Variants in GPR146 observed in about 807,000 individuals in gnomAD.
The protein encoded by GPR146 is G protein-coupled receptor 146.
For synonymous variants in GPR146, 203 were observed against 104.3 expected (o/e 1.95, Z -5.77); for missense variants, 381 against 213.9 (o/e 1.78, Z -4.87).
intron 1 of GPR146, among the ~76,000 whole-genome samples, chr7:1,051,949 G>A (rs1583569751): frequency 6.6e-6 from 1 of 152,350 alleles, no homozygotes; most frequent in East Asian, 1.9e-4. Flanking sequence ...CTGCCCTCCA[G>A]CCTGGGTGAC....
rs906068983 is a variant in GPR146, at chr7:1,057,415, C to T, written c.-24-77C>T. 4.8e-6 allele frequency: 3 copies of T among 626,668 alleles called. No homozygotes were observed. In the African/African-American group the frequency reaches 5.4e-5, roughly 11 times the overall value. 38.8% of individuals were successfully genotyped at this position (626,668 alleles called of 1,614,324 possible). ...GCGATTACTGCACCAGGAGAAGGCA[C>T]CCCTGTACCTGCAGCACTTCTGGGC... is the stretch of plus-strand genomic sequence containing the variant. On this transcript the variant is annotated intron_variant, in intron 1 of 1. Transcript: ENST00000444847.
intron 1 of GPR146, among the ~76,000 whole-genome samples, chr7:1,045,052 G>C (rs1013397904): frequency 6.6e-6 from 1 of 152,380 alleles, no homozygotes; most frequent in South Asian, 2.1e-4. Flanking sequence ...TTTTGGATCT[G>C]TGTCTACATG....
intron 1 of GPR146, among the ~76,000 whole-genome samples, chr7:1,048,803 T>C (rs1404339153): frequency 6.6e-6 from 1 of 152,100 alleles, no homozygotes; most frequent in African/African-American, 2.4e-5. Flanking sequence ...GCTCCAGACA[T>C]TTTCACGAGT....
intron 1 of GPR146, chr7:1,045,318 C>G (rs548092497): frequency 6.6e-6 from 1 of 152,274 alleles, no homozygotes; most frequent in Non-Finnish European, 1.5e-5. Flanking sequence ...GAGGATAATT[C>G]TGTATTCGTC....
rs771950876 is a variant in GPR146 at position 1,057,917 on chromosome 7, G to A, written c.402G>A (p.Pro134=). ...SLDHYIERAL[P]RTYMASVYNT... is the part of the protein sequence containing the mutation. ...ACCACTACATCGAGCGTGCACTGCC[G>A]CGGACCTACATGGCCAGCGTGTACA... Residue 134 remains proline (P), a synonymous_variant, in exon 2 of 2, where the codon CCG becomes CCA. Coordinates refer to ENST00000444847, the MANE Select transcript of GPR146 (RefSeq NM_001303473.2). 10 of 775,228 alleles carry A rather than the reference G, an allele frequency of 1.3e-5. No individual in the cohort carries two copies. Among genetic ancestry groups the A allele is most frequent in the Admixed American group, 1.7e-5 (1 of 59,044 alleles). The allele number at this position is 775,228 out of a possible 1,614,324, so 48.0% of individuals were successfully genotyped here. A position where few individuals can be genotyped will look rare whatever the true frequency, so the allele number is the denominator to read the frequency against.
chr7:1,055,589 G>A lies in GPR146; in HGVS notation c.-24-1903G>A, dbSNP rs1783652478. On this transcript the variant is annotated intron_variant, in intron 1 of 1. Coordinates refer to ENST00000444847, the MANE Select transcript of GPR146 (RefSeq NM_001303473.2). Reference sequence around the variant, plus strand: ...GACTCTGTGCAGCACAGGTGGGAGAGAGGACGCAGGGGGTTCTGTACAGTG... The same window carrying A: ...GACTCTGTGCAGCACAGGTGGGAGAAAGGACGCAGGGGGTTCTGTACAGTG... 7.9e-6 allele frequency: 3 copies of A among 377,396 alleles called. No individual in the cohort carries two copies. The East Asian group carries it at 2.2e-4, about 28-fold the overall frequency. The allele number at this position is 377,396 out of a possible 1,614,324, so 23.4% of individuals were successfully genotyped here. A position where few individuals can be genotyped will look rare whatever the true frequency, so the allele number is the denominator to read the frequency against.
intron 1 of GPR146, among the ~76,000 whole-genome samples, chr7:1,050,658 G>C (rs1348955843): frequency 6.6e-6 from 1 of 152,220 alleles, no homozygotes. Flanking sequence ...CCGCAGCCTA[G>C]GAAGCATCTT....
intron 1 of GPR146, among the ~76,000 whole-genome samples, chr7:1,051,272 T>G (rs573341653): frequency 3.9e-5 from 6 of 152,332 alleles, no homozygotes; most frequent in African/African-American, 1.4e-4. Flanking sequence ...TGTGGAAATG[T>G]CACTTCTGTC....
At chr7:1,055,101 C>A (rs878856709) in intron 1 of GPR146, among the ~76,000 whole-genome samples, 3 of 152,208 alleles carry the variant, frequency 2.0e-5, no homozygotes, top group Non-Finnish European at 4.4e-5. Context: ...GCAGAGGCCA[C>A]GGCCTCCATG....
chr7:1,047,254 GCCCGT>G (rs1007484605), intron 1 of GPR146, among the ~76,000 whole-genome samples: 1 of 152,188 alleles, frequency 6.6e-6, no homozygotes, highest in African/African-American at 2.4e-5. Flanking sequence ...GGCCCCCAGA[GCCCGT>G]CCTGGAGCCG....
At chr7:1,047,655 G>C (rs1240368797) in intron 1 of GPR146, among the ~76,000 whole-genome samples, 3 of 152,278 alleles carry the variant, frequency 2.0e-5, no homozygotes, top group Admixed American at 6.5e-5. Flanking sequence ...AGCGTCTCAT[G>C]GTGCATGGCA....
rs565930339 is a variant in GPR146, at chr7:1,057,701, G to C, written c.186G>C (p.Pro62=). ...NLHSKASMTM[P]DVYFVNMAVA... ...ACAGCAAGGCCAGCATGACCATGCCGGACGTGTACTTTGTCAACATGGCAG... is the reference window on the plus strand; with the variant it reads ...ACAGCAAGGCCAGCATGACCATGCCCGACGTGTACTTTGTCAACATGGCAG... Residue 62 remains proline (P), a synonymous_variant, in exon 2 of 2, where the codon CCG becomes CCC. Coordinates refer to ENST00000444847, the MANE Select transcript of GPR146 (RefSeq NM_001303473.2). The C allele has an allele frequency of 7.7e-6, 6 of 774,558 alleles. No individual in the cohort carries two copies. The highest frequency in any genetic ancestry group is 1.7e-5 in the African/African-American group (1 of 59,062). 48.0% of individuals were successfully genotyped at this position (774,558 alleles called of 1,614,324 possible).
Position 1,054,387 on chromosome 7 carries a change from G to C in GPR146, c.-24-3105G>C, listed in dbSNP as rs544402853. Reference sequence around the variant, plus strand: ...ATAAATCCTTCAGTATTTGTCAGCTGCCAGTAAACAAAAATGCACACAGGA... The same window carrying C: ...ATAAATCCTTCAGTATTTGTCAGCTCCCAGTAAACAAAAATGCACACAGGA... On this transcript the variant is annotated intron_variant, in intron 1 of 1. Coordinates refer to ENST00000444847, the MANE Select transcript of GPR146 (RefSeq NM_001303473.2). Among the ~76,000 whole-genome samples, 12 of 152,328 alleles carry C rather than the reference G, an allele frequency of 7.9e-5. No homozygotes were observed. The South Asian group carries it at 2.5e-3, about 32-fold the overall frequency.
rs143495685 is a variant in GPR146 at position 1,058,287 on chromosome 7, G to A, written c.772G>A (p.Val258Ile). 2.6e-6 allele frequency: 2 copies of A among 773,814 alleles called. No individual in the cohort carries two copies. The highest frequency in any genetic ancestry group is 3.4e-5 in the African/African-American group (2 of 59,156). The allele number at this position is 773,814 out of a possible 1,614,324, so 47.9% of individuals were successfully genotyped here. ...CTATCTGATCCTGCTGGGGCACACGGTCATCATCTCGCGAGGGAAGCCCGT... is the reference window on the plus strand; with the variant it reads ...CTATCTGATCCTGCTGGGGCACACGATCATCATCTCGCGAGGGAAGCCCGT... Reference protein sequence around the residue: ...PHYLILLGHTVIISRGKPVDA... With the variant: ...PHYLILLGHTIIISRGKPVDA... Residue 258 changes from valine to isoleucine, a missense_variant, in exon 2 of 2, where the codon GTC becomes ATC. By Grantham distance (29) the Val-to-Ile change is conservative. Coordinates refer to ENST00000444847, the MANE Select transcript of GPR146 (RefSeq NM_001303473.2).
At chr7:1,057,199 C>T (rs1014399185) in intron 1 of GPR146, among the ~76,000 whole-genome samples, 5 of 152,282 alleles carry the variant, frequency 3.3e-5, no homozygotes, top group African/African-American at 4.8e-5. Flanking sequence ...ACCCAGGCCT[C>T]GCAGCAGCCC....
chr7:1,055,276 G>C (rs1380737545), intron 1 of GPR146: 1 of 471,082 alleles, frequency 2.1e-6, no homozygotes, highest in Non-Finnish European at 4.4e-6. Context: ...GAACTTACCA[G>C]AGGAAAACAA....
intron 1 of GPR146, chr7:1,055,356 G>T (rs1475686566): frequency 2.1e-6 from 1 of 471,012 alleles, no homozygotes; most frequent in Non-Finnish European, 4.4e-6. Flanking sequence ...GAGCCTGCGG[G>T]TTTGCAGAGA....
At position 1,057,638 on chromosome 7, in the gene GPR146, C is replaced by T. The variant is rs55698772; in HGVS notation, c.123C>T (p.Gly41=). ...LLGLVVGVPV[G]LCYNALLVLA... ...GCCTGGTGGTGGGCGTGCCAGTGGGCCTGTGCTACAACGCCCTGCTGGTGC... is the reference window on the plus strand; with the variant it reads ...GCCTGGTGGTGGGCGTGCCAGTGGGTCTGTGCTACAACGCCCTGCTGGTGC... The change falls in exon 2 of 2, where the codon GGC becomes GGT. Residue 41 remains glycine (G), a synonymous_variant. Transcript: ENST00000444847. The T allele has an allele frequency of 6.9e-3, 5,327 of 770,380 alleles. 31 individuals carry two copies. The highest frequency in any genetic ancestry group is 0.015 in the Middle Eastern group (63 of 4,082). The allele number at this position is 770,380 out of a possible 1,614,324, so 47.7% of individuals were successfully genotyped here.
chr7:1,052,358 G>C lies in GPR146; in HGVS notation c.-24-5134G>C, dbSNP rs1426740415. Among the ~76,000 whole-genome samples, 1 of 152,254 alleles carries C rather than the reference G, an allele frequency of 6.6e-6. No individual in the cohort carries two copies. The highest frequency in any genetic ancestry group is 6.5e-5 in the Admixed American group (1 of 15,288). ...CTCCCTAGGGGAGGGCCTTGGGGCTGCTTGTGCTGGCACCGACGTGGGCCT... is the reference window on the plus strand; with the variant it reads ...CTCCCTAGGGGAGGGCCTTGGGGCTCCTTGTGCTGGCACCGACGTGGGCCT... On this transcript the variant is annotated intron_variant, in intron 1 of 1. Transcript: ENST00000444847. This position sits in a 1 kb window ranked among gnomAD's most constrained non-coding sequence, Gnocchi z 4.2.
Sources: allele counts gnomAD v4.1 joint callset (sites outside exome capture counted in the v4.1 genomes callset), GRCh38; gene constraint gnomAD v4.1.1; non-coding constraint Gnocchi (gnomAD v3.1); transcripts MANE v1.5; gene names NCBI Gene and HGNC (gene_info 2026-07-23, HGNC 2026-07-21).